INO80D: variants seen among roughly 807,000 people sequenced by gnomAD.
INO80D encodes the protein INO80 complex subunit D.
A neutral mutation model predicts 87.6 loss-of-function variants in INO80D; 21 were observed. The ratio of observed to expected loss-of-function variants is 0.24; its 90% CI spans 0.17 to 0.35. The LOEUF (loss-of-function observed/expected upper bound fraction) is 0.35, where lower values mean the gene tolerates loss of function less well. Among genes scored for constraint, INO80D ranks in the 10% least tolerant of loss-of-function variants. The pLI, the probability that INO80D is intolerant of heterozygous loss-of-function variation, is 1.00. For synonymous variants in INO80D, 440 were observed against 491.0 expected (o/e 0.90, Z 1.37); for missense variants, 982 against 1,280.7 (o/e 0.77, Z 3.56).
chr2:206,023,017 G>C (rs1003203667), intron 6 of INO80D, among the ~76,000 whole-genome samples: 1 of 152,022 alleles, frequency 6.6e-6, no homozygotes, highest in African/African-American at 2.4e-5. Flanking sequence ...TGGCCAACAT[G>C]GTGAAATCCT....
chr2:206,024,623 T>C (rs1380286324), intron 6 of INO80D, among the ~76,000 whole-genome samples: 1 of 152,154 alleles, frequency 6.6e-6, no homozygotes, highest in African/African-American at 2.4e-5. Flanking sequence ...AACTGAAAAT[T>C]AGGTCACTTT....
chr2:206,061,022 T>C (rs2105888604), intron 3 of INO80D, among the ~76,000 whole-genome samples: 1 of 145,872 alleles, frequency 6.9e-6, no homozygotes, highest in Non-Finnish European at 1.5e-5. Context: ...AATTCTTGCC[T>C]TTTTTTTTAG....
In INO80D at chr2:205,996,349, T is replaced by C. The variant is rs1687808004; in HGVS notation, c.*8019A>G. 6.7e-6 allele frequency: 1 copy of C among 150,300 alleles called. No individual in the cohort carries two copies. Among genetic ancestry groups the C allele is most frequent in the East Asian group, 1.9e-4 (1 of 5,144 alleles). 9.3% of individuals were successfully genotyped at this position (150,300 alleles called of 1,614,324 possible). A position where few individuals can be genotyped will look rare whatever the true frequency, so the allele number is the denominator to read the frequency against. The stretch of plus-strand genomic sequence containing the variant: ...TGATTTTTTTTTTTTTTTTAAGTGA[T>C]GAAAGACTGACCAGTAGAAGGTGGT... On this transcript the variant is annotated 3_prime_UTR_variant, in exon 11 of 11. Transcript: ENST00000403263.
At position 206,005,016 on chromosome 2, in the gene INO80D, T is replaced by C; in HGVS notation, c.2436A>G (p.Ser812=). ...LLSKADDLIT[S]RQQYSSDHSH... is the part of the protein sequence containing the mutation. The stretch of plus-strand genomic sequence containing the variant: ...AGTGATCACTGCTGTATTGCTGTCG[T>C]GAGGTGATTAGGTCATCTGCCTTGC... Residue 812 remains serine, a synonymous_variant, in exon 11 of 11, where the codon TCA becomes TCG. Coordinates refer to ENST00000403263, the MANE Select transcript of INO80D (RefSeq NM_017759.5). 6.2e-7 allele frequency: 1 copy of C among 1,613,922 alleles called. No individual in the cohort carries two copies.
chr2:206,051,979 T>C (rs1442586878), intron 4 of INO80D, among the ~76,000 whole-genome samples: 1 of 152,180 alleles, frequency 6.6e-6, no homozygotes, highest in Non-Finnish European at 1.5e-5. Flanking sequence ...TGCCTCGCAG[T>C]TGTAAAGGAG....
intron 1 of INO80D, among the ~76,000 whole-genome samples, chr2:206,082,209 G>A (rs1295542094): frequency 4.6e-5 from 7 of 151,994 alleles, no homozygotes; most frequent in Admixed American, 6.5e-5. Flanking sequence ...TAGTAGCGAC[G>A]GGGTTTCTCC....
At chr2:206,014,947 A>G (rs1448461544) in intron 8 of INO80D, among the ~76,000 whole-genome samples, 3 of 152,204 alleles carry the variant, frequency 2.0e-5, no homozygotes, top group Non-Finnish European at 4.4e-5. Context: ...ACTTGTTGAG[A>G]ACTGGAGCAA....
chr2:206,070,261 AAAC>A (rs1689926344), intron 1 of INO80D, among the ~76,000 whole-genome samples: 1 of 151,692 alleles, frequency 6.6e-6, no homozygotes, highest in Non-Finnish European at 1.5e-5. Context: ...ACTAAAAACA[AAAC>A]AACACAAAAA....
intron 10 of INO80D, 58 bp downstream of exon 10, chr2:206,007,226 C>G: frequency 1.4e-6 from 2 of 1,479,170 alleles, no homozygotes; most frequent in Non-Finnish European, 1.9e-6. Context: ...AACACTATTT[C>G]TTTTCTTATA....
rs1256899467 is a variant in INO80D, at chr2:205,996,397, G to A, written c.*7971C>T. 6.6e-6 allele frequency: 1 copy of A among 151,232 alleles called. No individual in the cohort carries two copies. Among genetic ancestry groups the A allele is most frequent in the African/African-American group, 2.4e-5 (1 of 41,190 alleles). 9.4% of individuals were successfully genotyped at this position (151,232 alleles called of 1,614,324 possible). ...GGTGAAGATGAAGAATAGTGGAACT[G>A]GCAAGTAAGAACTGTTCAGACAAGC... On this transcript the variant is annotated 3_prime_UTR_variant, in exon 11 of 11. Transcript: ENST00000403263.
intron 5 of INO80D, among the ~76,000 whole-genome samples, chr2:206,031,989 G>A (rs1688779906): frequency 6.6e-6 from 1 of 152,180 alleles, no homozygotes. Flanking sequence ...AATTTAGAGA[G>A]CTGAGCAAAA....
intron 5 of INO80D, among the ~76,000 whole-genome samples, chr2:206,035,397 C>T (rs377749803): frequency 1.3e-5 from 2 of 151,970 alleles, no homozygotes; most frequent in African/African-American, 4.8e-5. Context: ...AATGGGCACA[C>T]AGACCAACGG....
At chr2:206,082,205 C>G (rs1690304429) in intron 1 of INO80D, among the ~76,000 whole-genome samples, 1 of 152,000 alleles carries the variant, frequency 6.6e-6, no homozygotes, top group Non-Finnish European at 1.5e-5. Flanking sequence ...TTTTTAGTAG[C>G]GACGGGGTTT....
At chr2:206,065,113 T>C (rs1368491442) in intron 1 of INO80D, among the ~76,000 whole-genome samples, 1 of 152,156 alleles carries the variant, frequency 6.6e-6, no homozygotes, top group African/African-American at 2.4e-5. Flanking sequence ...GACTTGAAAC[T>C]ATAAAACTAT....
rs570671701 is a variant in INO80D, at chr2:206,008,203, C to T, written c.1761-762G>A. 1.2e-4 allele frequency among the ~76,000 whole-genome samples: 18 copies of T among 152,012 alleles called. No homozygotes were observed. The South Asian group carries it at 1.2e-3, about 11-fold the overall frequency. Reference sequence around the variant, plus strand: ...TTACCCATGCTGGCCAGGCTGGTCTCGAACTCCTGACCTCAGGTGATCCAC... The same window carrying T: ...TTACCCATGCTGGCCAGGCTGGTCTTGAACTCCTGACCTCAGGTGATCCAC... On this transcript the variant is annotated intron_variant, in intron 9 of 10. Coordinates refer to ENST00000403263, the MANE Select transcript of INO80D (RefSeq NM_017759.5).
chr2:206,048,706 T>C (rs1252804537), intron 4 of INO80D, among the ~76,000 whole-genome samples: 3 of 152,052 alleles, frequency 2.0e-5, no homozygotes, highest in Non-Finnish European at 4.4e-5. Flanking sequence ...CCAGCCTGGG[T>C]AACACACCAA....
intron 6 of INO80D, among the ~76,000 whole-genome samples, chr2:206,023,145 G>A (rs1688511541): frequency 6.6e-6 from 1 of 152,054 alleles, no homozygotes; most frequent in African/African-American, 2.4e-5. Context: ...AGCTTGCAGG[G>A]AGCCAAGACA....
intron 1 of INO80D, among the ~76,000 whole-genome samples, chr2:206,082,073 T>A (rs1474828517): frequency 2.0e-5 from 3 of 152,204 alleles, no homozygotes; most frequent in Non-Finnish European, 4.4e-5. Context: ...CAGGCTGGAA[T>A]GCAATGGTGC....
chr2:206,038,686 A>G lies in INO80D; in HGVS notation c.1073+7818T>C, dbSNP rs569126448. Among the ~76,000 whole-genome samples, 15 of 152,274 alleles carry G rather than the reference A, an allele frequency of 9.9e-5. 1 individual carries two copies. The South Asian group carries it at 2.9e-3, about 29-fold the overall frequency. ...TCTCTACAACAAAATGCAAAAATAT[A>G]GCCAGGCGTGCTGGTACACGCCTGT... On this transcript the variant is annotated intron_variant, in intron 5 of 10. Coordinates refer to ENST00000403263, the MANE Select transcript of INO80D (RefSeq NM_017759.5).
Sources: allele counts gnomAD v4.1 joint callset (sites outside exome capture counted in the v4.1 genomes callset), GRCh38; gene constraint gnomAD v4.1.1; transcripts MANE v1.5; gene names NCBI Gene and HGNC (gene_info 2026-07-23, HGNC 2026-07-21).